Variants in KLHDC10 observed in about 807,000 individuals in gnomAD.
KLHDC10 encodes kelch domain containing 10, also known as kelch domain-containing protein 10.
In KLHDC10, 24 loss-of-function variants were observed where a neutral mutation model predicts 56.1. The ratio of observed to expected loss-of-function variants is 0.43; its 90% CI spans 0.31 to 0.60. KLHDC10 has a LOEUF of 0.60. KLHDC10 is among the 20% of genes least tolerant of loss of function. The probability of loss-of-function intolerance (pLI) is 0.11; values close to 1 mark genes in which losing one functional copy is unlikely to be tolerated. For missense variants in KLHDC10, 349 were observed against 567.0 expected, an observed-to-expected ratio of 0.62 and a Z score of 3.91; for synonymous variants, 188 against 207.1, an observed-to-expected ratio of 0.91 and a Z score of 0.79.
chr7:130,091,431 G>T (rs1399877540), intron 1 of KLHDC10, among the ~76,000 whole-genome samples: 1 of 152,140 alleles, frequency 6.6e-6, no homozygotes, highest in Non-Finnish European at 1.5e-5. Context: ...TCTTACATGT[G>T]TCTTCAGGTT....
At chr7:130,072,922 GT>G (rs779615416) in intron 1 of KLHDC10, among the ~76,000 whole-genome samples, 14 of 151,874 alleles carry the variant, frequency 9.2e-5, no homozygotes, top group Non-Finnish European at 1.9e-4. Context: ...CGCCAGGCTA[GT>G]TTTTGTATTT....
chr7:130,090,223 TTTC>T (rs1366491603), intron 1 of KLHDC10, among the ~76,000 whole-genome samples: 2 of 152,192 alleles, frequency 1.3e-5, no homozygotes, highest in Admixed American at 6.5e-5. Flanking sequence ...CCATCTTTTT[TTTC>T]TTCTTTTTGG....
At chr7:130,121,318 G>A (rs1225535371) in intron 4 of KLHDC10, among the ~76,000 whole-genome samples, 1 of 152,124 alleles carries the variant, frequency 6.6e-6, no homozygotes, top group Admixed American at 6.5e-5. Flanking sequence ...ACATGGATCT[G>A]AGCTAAAACA....
chr7:130,093,426 A>T (rs1257352009), intron 1 of KLHDC10, among the ~76,000 whole-genome samples: 1 of 151,980 alleles, frequency 6.6e-6, no homozygotes, highest in Non-Finnish European at 1.5e-5. Context: ...GGGTTTCACC[A>T]TGTTGGCCAG....
Position 130,129,758 on chromosome 7 carries a change from C to T in KLHDC10, c.1119+182C>T, listed in dbSNP as rs78846972. ...AAAAGAGGAGAAAAATCATCACACC[C>T]AAATTTGAGAGAATAACATAAATGT... is the stretch of plus-strand genomic sequence containing the variant. On this transcript the variant is annotated intron_variant, in intron 9 of 9. Transcript: ENST00000335420. 5.9e-5 allele frequency among the ~76,000 whole-genome samples: 9 copies of T among 152,234 alleles called. No homozygotes were observed. In the East Asian group the frequency reaches 1.7e-3, roughly 29 times the overall value.
At position 130,070,536 on chromosome 7, in the gene KLHDC10, C is replaced by T. The variant is rs750196588; in HGVS notation, c.-108C>T. On this transcript the variant is annotated 5_prime_UTR_variant, in exon 1 of 10. Transcript: ENST00000335420. ...GGTCTCTGGTGGGACCGGGCGCTGC[C>T]CCCTTCCCCTGTCTCCTGGGTCTCT... The T allele has an allele frequency of 1.8e-6, 2 of 1,093,152 alleles. No individual in the cohort carries two copies. Among genetic ancestry groups the T allele is most frequent in the East Asian group, 3.1e-5 (1 of 31,910 alleles). 67.7% of individuals were successfully genotyped at this position (1,093,152 alleles called of 1,614,324 possible).
In KLHDC10 at chr7:130,130,404, A is replaced by G. The variant is rs1796384476; in HGVS notation, c.1120-133A>G. 1.7e-5 allele frequency: 11 copies of G among 661,534 alleles called. No individual in the cohort carries two copies. The highest frequency in any genetic ancestry group is 2.7e-5 in the Non-Finnish European group (10 of 365,830). The allele number at this position is 661,534 out of a possible 1,614,324, so 41.0% of individuals were successfully genotyped here. ...TTATTTAAACCCTCTTGATCTCCAC[A>G]TGGTATTGGGATCAGTGAGGAATTC... On this transcript the variant is annotated intron_variant, in intron 9 of 9. Coordinates refer to ENST00000335420, the MANE Select transcript of KLHDC10 (RefSeq NM_014997.4). The surrounding 1 kb of genome is among the most constrained non-coding windows in gnomAD (Gnocchi z 4.2).
At chr7:130,084,516 G>A (rs1343531479) in intron 1 of KLHDC10, among the ~76,000 whole-genome samples, 2 of 152,132 alleles carry the variant, frequency 1.3e-5, no homozygotes, top group Admixed American at 6.5e-5. Context: ...GTTGACGCCT[G>A]TAATCCCAGC....
chr7:130,130,134 GA>G lies in KLHDC10; in HGVS notation c.1120-402del, dbSNP rs530511684. Among the ~76,000 whole-genome samples, 1,505 of 151,870 alleles carry G rather than the reference GA, an allele frequency of 9.9e-3. 12 individuals carry two copies. Among genetic ancestry groups the G allele is most frequent in the South Asian group, 0.019 (91 of 4,802 alleles). ...GATTGAGACCATCCTGGCTAACACGGATGAAACCCCATCTCTACTAAAAATA... is the reference window on the plus strand; with the variant it reads ...GATTGAGACCATCCTGGCTAACACGGTGAAACCCCATCTCTACTAAAAATA... On this transcript the variant is annotated intron_variant, in intron 9 of 9. Coordinates refer to ENST00000335420, the MANE Select transcript of KLHDC10 (RefSeq NM_014997.4). The surrounding 1 kb of genome is among the most constrained non-coding windows in gnomAD (Gnocchi z 4.2).
intron 1 of KLHDC10, among the ~76,000 whole-genome samples, chr7:130,093,863 T>C (rs1192275104): frequency 6.6e-6 from 1 of 152,158 alleles, no homozygotes; most frequent in East Asian, 1.9e-4. Context: ...AGATGTTTGA[T>C]AGAAGCCCTG....
At chr7:130,079,649 TG>T (rs1265296776) in intron 1 of KLHDC10, among the ~76,000 whole-genome samples, 1 of 152,200 alleles carries the variant, frequency 6.6e-6, no homozygotes, top group African/African-American at 2.4e-5. Context: ...TTTTCCTTTC[TG>T]TTTTTTTTAT....
chr7:130,078,332 C>T (rs1309793576), intron 1 of KLHDC10, among the ~76,000 whole-genome samples: 1 of 151,532 alleles, frequency 6.6e-6, no homozygotes, highest in African/African-American at 2.4e-5. Flanking sequence ...AAAGATTGCG[C>T]TATTGCACTT....
intron 3 of KLHDC10, among the ~76,000 whole-genome samples, chr7:130,117,834 A>C (rs1796187635): frequency 7.6e-6 from 1 of 130,830 alleles, no homozygotes; most frequent in Non-Finnish European, 1.6e-5. Flanking sequence ...TGGGTGACAG[A>C]GTAAGACCCT....
At position 130,133,813 on chromosome 7, in the gene KLHDC10, G is replaced by A. The variant is rs1193619108; in HGVS notation, c.*3067G>A. ...GGAATGTAATACTTTATTAAATGAA[G>A]AAAATGATGCTTTCTTCATTTAATA... On this transcript the variant is annotated 3_prime_UTR_variant, in exon 10 of 10. Transcript: ENST00000335420. 1.3e-5 allele frequency: 2 copies of A among 152,078 alleles called. No individual in the cohort carries two copies. Among genetic ancestry groups the A allele is most frequent in the Non-Finnish European group, 2.9e-5 (2 of 68,002 alleles). The allele number at this position is 152,078 out of a possible 1,614,324, so 9.4% of individuals were successfully genotyped here.
chr7:130,101,167 C>T (rs1297862101), intron 2 of KLHDC10, among the ~76,000 whole-genome samples: 2 of 152,160 alleles, frequency 1.3e-5, no homozygotes, highest in South Asian at 4.1e-4. Context: ...ATAGTATCTA[C>T]TTCCTAGAGT....
intron 1 of KLHDC10, among the ~76,000 whole-genome samples, chr7:130,092,769 T>C (rs1232279747): frequency 6.6e-6 from 1 of 152,182 alleles, no homozygotes; most frequent in Non-Finnish European, 1.5e-5. Context: ...ACTTCTGTGC[T>C]ACACTCCAAT....
At chr7:130,122,237 C>T (rs776147273) in intron 5 of KLHDC10, 35 bp downstream of exon 5, 29 of 1,603,636 alleles carry the variant, frequency 1.8e-5, no homozygotes, top group Admixed American at 1.2e-4. Context: ...TTTATTCTTT[C>T]GTGCTAACAT....
chr7:130,092,192 A>G (rs927265926), intron 1 of KLHDC10, among the ~76,000 whole-genome samples: 2 of 152,200 alleles, frequency 1.3e-5, no homozygotes, highest in Non-Finnish European at 2.9e-5. Context: ...AAAGTTTTGA[A>G]ATGAGGAAGT....
At chr7:130,084,119 A>G (rs544648363) in intron 1 of KLHDC10, among the ~76,000 whole-genome samples, 1 of 152,192 alleles carries the variant, frequency 6.6e-6, no homozygotes, top group Non-Finnish European at 1.5e-5. Flanking sequence ...TGCTTTCTCC[A>G]TATCTACAAT....
Sources: gnomAD v4.1 joint callset for allele counts (sites outside exome capture counted in the v4.1 genomes callset) on GRCh38, gnomAD v4.1.1 for gene constraint, Gnocchi (gnomAD v3.1) non-coding constraint, MANE v1.5 for transcripts, NCBI Gene and HGNC (gene_info 2026-07-23, HGNC 2026-07-21) for gene names.